Variants in EPB41L3 observed in about 807,000 individuals in gnomAD.
EPB41L3 encodes erythrocyte membrane protein band 4.1 like 3.
In EPB41L3, 57 loss-of-function variants were observed where a neutral mutation model predicts 127.1. The observed-to-expected ratio is 0.45, with a 90% CI of 0.36 to 0.56. The LOEUF (loss-of-function observed/expected upper bound fraction) is 0.56. EPB41L3 is among the 20% of genes least tolerant of loss of function. The pLI is 0.00. For missense variants in EPB41L3, 1,273 were observed against 1,372.2 expected (o/e 0.93, Z 1.14); for synonymous variants, 572 against 549.5 (o/e 1.04, Z -0.57).
intron 2 of EPB41L3, among the ~76,000 whole-genome samples, chr18:5,485,974 A>G (rs1346836062): frequency 6.6e-6 from 1 of 152,158 alleles, no homozygotes; most frequent in Non-Finnish European, 1.5e-5. Flanking sequence ...CACTCTTCAC[A>G]GAATTAGAAA....
At chr18:5,571,877 G>A (rs1599043109) in intron 3 of EPB41L3, among the ~76,000 whole-genome samples, 1 of 152,326 alleles carries the variant, frequency 6.6e-6, no homozygotes, top group East Asian at 1.9e-4. Flanking sequence ...CAAAAGCCCA[G>A]TTGGGAAAAA....
At chr18:5,513,829 C>T (rs915225127) in intron 1 of EPB41L3, among the ~76,000 whole-genome samples, 1 of 152,040 alleles carries the variant, frequency 6.6e-6, no homozygotes, top group Non-Finnish European at 1.5e-5. Flanking sequence ...ATTACAAAAC[C>T]CAGGATATAC....
At chr18:5,395,793 A>C (rs1428954086) in intron 19 of EPB41L3, 86 bp from the exon 20 acceptor site, 5 of 960,646 alleles carry the variant, frequency 5.2e-6, no homozygotes, top group Non-Finnish European at 8.3e-6. Flanking sequence ...GCATTACGAC[A>C]ATTTCACTAT....
chr18:5,535,241 A>T (rs1250922758), intron 1 of EPB41L3, among the ~76,000 whole-genome samples: 1 of 152,052 alleles, frequency 6.6e-6, no homozygotes, highest in Non-Finnish European at 1.5e-5. Context: ...CCTCTGTGCC[A>T]AGGACAGGGC....
intron 11 of EPB41L3, among the ~76,000 whole-genome samples, chr18:5,422,961 A>G (rs1369568629): frequency 6.6e-6 from 1 of 152,184 alleles, no homozygotes; most frequent in Non-Finnish European, 1.5e-5. Context: ...ATTCATAAAG[A>G]TTTTTTAGAA....
chr18:5,574,720 T>A (rs146891043), intron 3 of EPB41L3, among the ~76,000 whole-genome samples: 105 of 152,316 alleles, frequency 6.9e-4, no homozygotes, highest in Non-Finnish European at 1.1e-3. Context: ...ATATCACGTG[T>A]CATCACAGTT....
chr18:5,599,889 T>G (rs2094572817), intron 3 of EPB41L3, among the ~76,000 whole-genome samples: 1 of 152,162 alleles, frequency 6.6e-6, no homozygotes. Context: ...TTATATTCTC[T>G]TCTTGGAACT....
Position 5,543,665 on chromosome 18 carries a change from CGGGCGGAGCGGGCGGG to C in EPB41L3, c.-12+232_-12+247del, listed in dbSNP as rs1375088868. 6.8e-6 allele frequency among the ~76,000 whole-genome samples: 1 copy of C among 146,728 alleles called. No homozygotes were observed. Among genetic ancestry groups the C allele is most frequent in the African/African-American group, 2.4e-5 (1 of 40,850 alleles). ...CGGCCCAGCCACTACTGCGCCGCGG[CGGGCGGAGCGGGCGGG>C]GGGCGCGGCGCGCAGGCTCGGCCCG... On this transcript the variant is annotated intron_variant, in intron 1 of 22. Transcript: ENST00000341928. This position sits in a 1 kb window ranked among gnomAD's most constrained non-coding sequence, Gnocchi z 5.2.
At chr18:5,417,475 A>G (rs1010895307) in intron 12 of EPB41L3, among the ~76,000 whole-genome samples, 4 of 152,186 alleles carry the variant, frequency 2.6e-5, no homozygotes, top group Non-Finnish European at 5.9e-5. Context: ...CAGGTACAGC[A>G]GCTGCTGCAG....
intron 3 of EPB41L3, among the ~76,000 whole-genome samples, chr18:5,477,411 G>A (rs1408217676): frequency 2.0e-5 from 3 of 152,178 alleles, no homozygotes; most frequent in Admixed American, 1.3e-4. Flanking sequence ...GTGATACCCT[G>A]CCCTCTTTAT....
At chr18:5,581,370 T>C (rs1472433800) in intron 3 of EPB41L3, among the ~76,000 whole-genome samples, 1 of 152,182 alleles carries the variant, frequency 6.6e-6, no homozygotes, top group East Asian at 1.9e-4. Context: ...GAGTTTAATT[T>C]CAGTTACAAA....
intron 4 of EPB41L3, 26 bp from the exon 5 acceptor site, chr18:5,443,906 T>G: frequency 4.4e-6 from 7 of 1,594,406 alleles, no homozygotes; most frequent in Non-Finnish European, 6.0e-6. Flanking sequence ...CATTTTGAAT[T>G]TGAATCAGAG....
intron 2 of EPB41L3, among the ~76,000 whole-genome samples, chr18:5,614,167 T>C (rs1369237538): frequency 1.3e-5 from 2 of 152,220 alleles, no homozygotes; most frequent in East Asian, 3.9e-4. Flanking sequence ...TCCACAGGTG[T>C]AGGAGGCTAG....
intron 1 of EPB41L3, among the ~76,000 whole-genome samples, chr18:5,621,996 T>C (rs1196261587): frequency 6.6e-6 from 1 of 152,182 alleles, no homozygotes; most frequent in East Asian, 1.9e-4. Flanking sequence ...GATTTCAAAA[T>C]GCAGAAACAT....
At chr18:5,532,292 A>G (rs1478604932) in intron 1 of EPB41L3, among the ~76,000 whole-genome samples, 1 of 152,180 alleles carries the variant, frequency 6.6e-6, no homozygotes, top group Non-Finnish European at 1.5e-5. Flanking sequence ...TTTCCAGGGG[A>G]GTAAAACCTG....
At chr18:5,467,384 A>G (rs1053862339) in intron 3 of EPB41L3, 2 of 151,740 alleles carry the variant, frequency 1.3e-5, no homozygotes, top group Non-Finnish European at 2.9e-5. Context: ...TACTCTGCCC[A>G]CTGACTAAAC....
intron 13 of EPB41L3, among the ~76,000 whole-genome samples, chr18:5,414,190 T>C (rs1023801126): frequency 6.6e-6 from 1 of 152,218 alleles, no homozygotes; most frequent in African/African-American, 2.4e-5. Flanking sequence ...TTCTTAACTG[T>C]AATATGTTCT....
chr18:5,620,132 T>TAA (rs35117867), intron 1 of EPB41L3, among the ~76,000 whole-genome samples: 28 of 149,488 alleles, frequency 1.9e-4, no homozygotes, highest in Non-Finnish European at 4.0e-4. Context: ...TTATCAAGTT[T>TAA]AAAAAAAAAA....
Position 5,573,428 on chromosome 18 carries a change from G to A in EPB41L3, c.-306+38912C>T, listed in dbSNP as rs147232211. Among the ~76,000 whole-genome samples, 1,028 of 152,314 alleles carry A rather than the reference G, an allele frequency of 6.7e-3. 12 individuals are homozygous for A. Among genetic ancestry groups the A allele is most frequent in the South Asian group, 0.067 (324 of 4,830 alleles). On this transcript the variant is annotated intron_variant, in intron 3 of 21. Coordinates refer to the EPB41L3 transcript ENST00000545076. The stretch of plus-strand genomic sequence containing the variant: ...GCAATCATATACCTCCAATAAATAG[G>A]ACTAGAATAATTCAGTAGCTATACG...
Sources: allele counts gnomAD v4.1 joint callset (sites outside exome capture counted in the v4.1 genomes callset), GRCh38; gene constraint gnomAD v4.1.1; non-coding constraint Gnocchi (gnomAD v3.1); transcripts MANE v1.5; gene names NCBI Gene and HGNC (gene_info 2026-07-23, HGNC 2026-07-21).